The following KDM5C variants were observed in gnomAD, a reference collection of about 807,000 sequenced individuals.
The protein encoded by KDM5C is lysine-specific demethylase 5C.
In KDM5C, 16 loss-of-function variants were observed where a neutral mutation model predicts 110.6. That is an observed-to-expected ratio of 0.14 (90% confidence interval 0.10 to 0.22). The LOEUF (loss-of-function observed/expected upper bound fraction) is 0.22, where lower values mean the gene tolerates loss of function less well. Among genes scored for constraint, KDM5C ranks in the 10% least tolerant of loss-of-function variants. The pLI is 1.00. For synonymous variants in KDM5C, 511 were observed against 520.4 expected, an observed-to-expected ratio of 0.98 and a Z score of 0.24; for missense variants, 681 against 1,300.9, an observed-to-expected ratio of 0.52 and a Z score of 7.33.
intron 21 of KDM5C, 68 bp from the exon 22 acceptor site, chrX:53,195,136 G>T: frequency 8.5e-7 from 1 of 1,174,965 alleles, no homozygotes; most frequent in Non-Finnish European, 1.1e-6. Context: ...TTCCCTCCCT[G>T]GTGCCCCTAC....
intron 1 of KDM5C, among the ~76,000 whole-genome samples, chrX:53,224,426 T>A (rs2073979658): frequency 9.0e-6 from 1 of 111,682 alleles, no homozygotes; most frequent in Non-Finnish European, 1.9e-5. Flanking sequence ...TCGACCTAGG[T>A]GGCCCGGGCT....
intron 2 of KDM5C, among the ~76,000 whole-genome samples, chrX:53,219,168 C>T (rs1556853569): frequency 8.9e-6 from 1 of 112,356 alleles, no homozygotes; most frequent in Non-Finnish European, 1.9e-5. Flanking sequence ...ACTCCTTTTT[C>T]CTTTTACTAA....
intron 25 of KDM5C, among the ~76,000 whole-genome samples, chrX:53,177,427 A>G (rs1196359923): frequency 8.9e-6 from 1 of 112,664 alleles, no homozygotes; most frequent in South Asian, 3.7e-4. Flanking sequence ...ATATGTTTTT[A>G]GTTAAATTGG....
At chrX:53,211,264 T>C (rs2073549095) in intron 10 of KDM5C, among the ~76,000 whole-genome samples, 1 of 111,923 alleles carries the variant, frequency 8.9e-6, no homozygotes. Flanking sequence ...ATTTGCAAAG[T>C]AGATATTATC....
At chrX:53,212,552 C>T (rs1025056707) in intron 8 of KDM5C, 4 of 113,012 alleles carry the variant, frequency 3.5e-5, no homozygotes, top group Non-Finnish European at 7.3e-5. Context: ...GATCCGCCCG[C>T]CTTGGCCTCC....
At chrX:53,180,897 T>C (rs968001839) in intron 25 of KDM5C, among the ~76,000 whole-genome samples, 2 of 105,198 alleles carry the variant, frequency 1.9e-5, no homozygotes, top group South Asian at 8.5e-4. Flanking sequence ...CCTGGCTAAT[T>C]TTTTGTATTT....
At chrX:53,217,654 T>C (rs1459918752) in intron 4 of KDM5C, 142 bp downstream of exon 4, 2 of 648,686 alleles carry the variant, frequency 3.1e-6, no homozygotes, top group African/African-American at 2.2e-5. Flanking sequence ...CTGAGCAGTG[T>C]AGAAAGAGAA....
rs149664667 is a variant in KDM5C, at chrX:53,179,915, G to C, written c.4309-3293C>G. On this transcript the variant is annotated intron_variant, in intron 25 of 25. Transcript: ENST00000685641. ...AAACATATTCTTACCTTACCATTCA[G>C]CAATCACACTCTTTTGTATTTGCCC... Among the ~76,000 whole-genome samples the C allele has an allele frequency of 9.6e-4, 108 of 111,937 alleles. 1 individual carries two copies. In the East Asian group the frequency reaches 0.026, roughly 27 times the overall value.
In KDM5C at chrX:53,193,172, T is replaced by C. The variant is rs1451567527; in HGVS notation, c.4478A>G (p.Gln1493Arg). 7.4e-6 allele frequency: 9 copies of C among 1,208,432 alleles called. No homozygotes were observed. The highest frequency in any genetic ancestry group is 1.8e-5 in the African/African-American group (1 of 56,738). The change falls in exon 26 of 26, where the codon CAG (glutamine) becomes CGG (arginine). Residue 1493 changes from glutamine to arginine, a missense_variant. Transcript: ENST00000375401. ...CTCCTCCTCCAGCTCTTCCTCCTCC[T>C]GGACCTCCTCAGCCTCTGGCCCTGA... is the stretch of plus-strand genomic sequence containing the variant. ...RSSGPEAEEV[Q>R]EEEELEEETG...
In KDM5C at chrX:53,204,915, C is replaced by G. The variant is rs2073277223; in HGVS notation, c.1747-2942G>C. ...GGGGGATTCTGAGGTATGAATCGGG[C>G]TGGTTCTCAAGATGTCCTCAGTAGT... On this transcript the variant is annotated intron_variant, in intron 12 of 25. Coordinates refer to ENST00000375401, the MANE Select transcript of KDM5C (RefSeq NM_004187.5). 2.7e-5 allele frequency among the ~76,000 whole-genome samples: 3 copies of G among 112,323 alleles called. No individual in the cohort carries two copies. In the East Asian group the frequency reaches 8.4e-4, roughly 31 times the overall value.
chrX:53,181,898 C>G (rs1556826144), intron 25 of KDM5C, among the ~76,000 whole-genome samples: 1 of 109,005 alleles, frequency 9.2e-6, no homozygotes. Flanking sequence ...ACACCATTCT[C>G]CTGCCTCAGC....
At chrX:53,208,136 C>A (rs1250970399) in intron 12 of KDM5C, among the ~76,000 whole-genome samples, 1 of 108,584 alleles carries the variant, frequency 9.2e-6, no homozygotes, top group Non-Finnish European at 1.9e-5. Flanking sequence ...AGCATGAGAA[C>A]ATAAAAATCA....
rs782023961 is a variant in KDM5C, at chrX:53,215,831, G to C, written c.927C>G (p.Thr309=). The C allele has an allele frequency of 9.1e-6, 11 of 1,211,755 alleles. No homozygotes were observed. Among genetic ancestry groups the C allele is most frequent in the Non-Finnish European group, 1.1e-5 (10 of 895,452 alleles). The part of the protein sequence containing the change: ...SHSPEPCTKM[T]MRLRRNHSNA... ...TGCTGTGGTTCCTCCGTAGCCTCAT[G>C]GTCATCTTGGTGCAGGGTTCTGGGC... The change falls in exon 7 of 26, where the codon ACC becomes ACG. Residue 309 remains threonine (T), a synonymous_variant. Transcript: ENST00000375401.
Position 53,201,910 on chromosome X carries a change from C to A in KDM5C, c.1810G>T (p.Gly604Cys). Residue 604 changes from glycine (G) to cysteine (C), a missense_variant, in exon 13 of 26, where the codon GGC becomes TGC. Around this residue, in one of 14 missense-constraint regions of KDM5C, gnomAD observed 41 missense variants for 205.9 expected, o/e 0.20. Transcript: ENST00000375401. ...GCAAAGTTGTAGCCTTGGTTGAAGC[C>A]GCTGTGGTAAGCACGGGGGAAGGTG... Reference protein sequence around the residue: ...VITFPRAYHSGFNQGYNFAEA... With the variant: ...VITFPRAYHSCFNQGYNFAEA... 1 of 1,212,051 alleles carries A rather than the reference C, an allele frequency of 8.3e-7. No homozygotes were observed. Among genetic ancestry groups the A allele is most frequent in the Non-Finnish European group, 1.1e-6 (1 of 895,539 alleles).
Position 53,225,163 on chromosome X carries a change from C to T in KDM5C, c.-274G>A, listed in dbSNP as rs949445541. On this transcript the variant is annotated 5_prime_UTR_variant, in exon 1 of 26. Coordinates refer to ENST00000375401, the MANE Select transcript of KDM5C (RefSeq NM_004187.5). ...AGCCTTCGCCACCACAGTTACCTCC[C>T]AAACGCCGCGGCCTTCAGCGCCGCC... is the stretch of plus-strand genomic sequence containing the variant. 8.8e-6 allele frequency: 3 copies of T among 341,236 alleles called. No homozygotes were observed. The East Asian group carries it at 1.3e-4, about 15-fold the overall frequency. 28.1% of individuals were successfully genotyped at this position (341,236 alleles called of 1,213,427 possible).
At chrX:53,179,814 C>T (rs2146782947) in intron 25 of KDM5C, among the ~76,000 whole-genome samples, 1 of 111,940 alleles carries the variant, frequency 8.9e-6, no homozygotes, top group East Asian at 2.8e-4. Context: ...GCAACGGGAA[C>T]TCTCATTCAT....
At chrX:53,188,878 A>T (rs1934317219), downstream of KDM5C, among the ~76,000 whole-genome samples, 1 of 111,309 alleles carries the variant, frequency 9.0e-6, no homozygotes. Context: ...AAGGAACCTG[A>T]GAGTGACCCC....
In KDM5C at chrX:53,192,860, C is replaced by CCCCCCG; in HGVS notation, c.*106_*107insCGGGGG. On this transcript the variant is annotated 3_prime_UTR_variant, in exon 26 of 26. Coordinates refer to ENST00000375401, the MANE Select transcript of KDM5C (RefSeq NM_004187.5). ...GGGGTGGGCGGGTAGCAGGGATGGC[C>CCCCCCG]ACCCCCCTACCCGCCCACCCCCCAA... The CCCCCCG allele has an allele frequency of 3.0e-6, 2 of 675,401 alleles. No individual in the cohort carries two copies. Among genetic ancestry groups the CCCCCCG allele is most frequent in the Non-Finnish European group, 3.9e-6 (2 of 507,079 alleles). The allele number at this position is 675,401 out of a possible 1,213,427, so 55.7% of individuals were successfully genotyped here.
At chrX:53,208,452 CAT>C (rs199941573) in intron 12 of KDM5C, among the ~76,000 whole-genome samples, 2,119 of 96,428 alleles carry the variant, frequency 0.022, 53 homozygotes, top group East Asian at 0.13. Context: ...TACACACACA[CAT>C]ATATATATAT....
Sources: gnomAD v4.1 joint callset for allele counts (sites outside exome capture counted in the v4.1 genomes callset) on GRCh38, gnomAD v4.1.1 for gene constraint, gnomAD v4.1.1 regional missense constraint, MANE v1.5 for transcripts, NCBI Gene and HGNC (gene_info 2026-07-23, HGNC 2026-07-21) for gene names.